The following APPL1 variants were observed in gnomAD, a reference collection of about 807,000 sequenced individuals.
APPL1 encodes DCC-interacting protein 13-alpha.
APPL1 carries 42 observed loss-of-function variants against 106.8 expected under a neutral mutation model. The ratio of observed to expected loss-of-function variants is 0.39; its 90% CI spans 0.31 to 0.51. The LOEUF is 0.51. Ranked by LOEUF, APPL1 falls within the 20% of genes least tolerant of loss-of-function variation. APPL1 has a pLI of 0.75. For missense variants in APPL1, 769 were observed against 858.2 expected (o/e 0.90, Z 1.30); for synonymous variants, 263 against 281.8 (o/e 0.93, Z 0.67).
At chr3:57,234,217 T>G (rs1464896926) in intron 1 of APPL1, among the ~76,000 whole-genome samples, 1 of 152,146 alleles carries the variant, frequency 6.6e-6, no homozygotes, top group African/African-American at 2.4e-5. Flanking sequence ...CCCTGGGCCT[T>G]TGGGATGTAA....
intron 19 of APPL1, among the ~76,000 whole-genome samples, chr3:57,261,867 A>T (rs1208141778): frequency 6.6e-6 from 1 of 152,132 alleles, no homozygotes; most frequent in Non-Finnish European, 1.5e-5. Flanking sequence ...TAGTGGTTGT[A>T]CTAGTTTATG....
intron 1 of APPL1, among the ~76,000 whole-genome samples, chr3:57,230,351 A>T (rs2060680220): frequency 1.3e-5 from 2 of 152,218 alleles, no homozygotes; most frequent in Non-Finnish European, 2.9e-5. Flanking sequence ...TTCCTTCAGA[A>T]AAATTGGAAG....
At chr3:57,237,206 G>T (rs2060721114) in intron 2 of APPL1, among the ~76,000 whole-genome samples, 1 of 152,074 alleles carries the variant, frequency 6.6e-6, no homozygotes, top group African/African-American at 2.4e-5. Context: ...TTTTGCTAAG[G>T]TTATATCAGT....
Position 57,268,500 on chromosome 3 carries a change from A to C in APPL1, c.1983+13A>C, listed in dbSNP as rs200168280. ...ACAGATTGAAAAGGTATACAGTCCT[A>C]ATGTCTGGATCTTTATGTGTTGTTT... On this transcript the variant is annotated intron_variant, in intron 21 of 21. Coordinates refer to ENST00000288266, the MANE Select transcript of APPL1 (RefSeq NM_012096.3). 1 of 1,580,372 alleles carries C rather than the reference A, an allele frequency of 6.3e-7. No individual in the cohort carries two copies. Among genetic ancestry groups the C allele is most frequent in the East Asian group, 2.2e-5 (1 of 44,550 alleles).
intron 20 of APPL1, chr3:57,268,098 A>G (rs1485138515): frequency 2.1e-6 from 1 of 470,946 alleles, no homozygotes; most frequent in Non-Finnish European, 3.7e-6. Flanking sequence ...ATCTCAAAAA[A>G]AAAAAAGGAA....
intron 9 of APPL1, among the ~76,000 whole-genome samples, chr3:57,247,723 A>G (rs1048006082): frequency 7.2e-5 from 11 of 152,186 alleles, no homozygotes; most frequent in Non-Finnish European, 1.6e-4. Context: ...GTCTGAATAT[A>G]ACAGACACAT....
intron 11 of APPL1, among the ~76,000 whole-genome samples, chr3:57,250,757 T>C (rs940250407): frequency 9.2e-5 from 14 of 151,722 alleles, no homozygotes; most frequent in Middle Eastern, 6.8e-3. Context: ...TCTGCCATTT[T>C]CCCCCCACTC....
chr3:57,262,751 AATT>A (rs2107610045), intron 19 of APPL1, among the ~76,000 whole-genome samples: 1 of 151,908 alleles, frequency 6.6e-6, no homozygotes, highest in African/African-American at 2.4e-5. Flanking sequence ...TCAAGAGACT[AATT>A]AGAGCTAAAA....
At chr3:57,251,680 C>A (rs1167928399) in intron 11 of APPL1, among the ~76,000 whole-genome samples, 1 of 151,862 alleles carries the variant, frequency 6.6e-6, no homozygotes, top group East Asian at 1.9e-4. Context: ...ATCAAAATTA[C>A]CAACTTGTTA....
chr3:57,251,424 T>C (rs1433908614), intron 11 of APPL1, among the ~76,000 whole-genome samples: 2 of 149,554 alleles, frequency 1.3e-5, no homozygotes, highest in African/African-American at 4.9e-5. Context: ...CTTGGGAGGC[T>C]GACACAGGGA....
chr3:57,260,218 G>T, intron 18 of APPL1, 65 bp downstream of exon 18: 1 of 1,474,014 alleles, frequency 6.8e-7, no homozygotes, highest in South Asian at 1.2e-5. Flanking sequence ...CTTACAACTT[G>T]ATAATAATCC....
chr3:57,229,871 GC>G (rs1365012983), intron 1 of APPL1, among the ~76,000 whole-genome samples: 1 of 151,774 alleles, frequency 6.6e-6, no homozygotes, highest in Non-Finnish European at 1.5e-5. Flanking sequence ...GTGCCACCAC[GC>G]CCACCTAGTT....
chr3:57,257,364 G>C lies in APPL1; in HGVS notation c.1366G>C (p.Asp456His). The C allele has an allele frequency of 6.2e-7, 1 of 1,614,032 alleles. No individual in the cohort carries two copies. Among genetic ancestry groups the C allele is most frequent in the South Asian group, 1.1e-5 (1 of 91,046 alleles). ...TGCCCCAGACACCCCAATACAGTTT[G>C]ACATAATTTCTCCTGTGTGTGAAGA... ...LVAPDTPIQFDIISPVCEDQP... is the reference protein window; with the variant it reads ...LVAPDTPIQFHIISPVCEDQP... The change falls in exon 15 of 22, where the codon GAC (aspartate) becomes CAC (histidine). Residue 456 changes from aspartate (D) to histidine (H), a missense_variant. Coordinates refer to ENST00000288266, the MANE Select transcript of APPL1 (RefSeq NM_012096.3).
In APPL1 at chr3:57,249,617, TTTTG is replaced by T. The variant is rs2060792884; in HGVS notation, c.1052+73_1052+76del. 5 of 1,360,976 alleles carry T rather than the reference TTTTG, an allele frequency of 3.7e-6. No individual in the cohort carries two copies. In the East Asian group the frequency reaches 1.3e-4, roughly 36 times the overall value. The allele number at this position is 1,360,976 out of a possible 1,614,324, so 84.3% of individuals were successfully genotyped here. On this transcript the variant is annotated intron_variant, in intron 11 of 21. Coordinates refer to ENST00000288266, the MANE Select transcript of APPL1 (RefSeq NM_012096.3). ...ACTTCTGAAATGTGAGATAATTCCT[TTTTG>T]TTTAGAAATTTTATGGACATTTTAG...
At chr3:57,262,163 G>C (rs1334792395) in intron 19 of APPL1, among the ~76,000 whole-genome samples, 1 of 151,884 alleles carries the variant, frequency 6.6e-6, no homozygotes. Flanking sequence ...TTAGTCCCCA[G>C]TTGGATGAAC....
At chr3:57,254,013 C>G (rs2060820609) in intron 13 of APPL1, among the ~76,000 whole-genome samples, 1 of 152,154 alleles carries the variant, frequency 6.6e-6, no homozygotes, top group South Asian at 2.1e-4. Flanking sequence ...CAGGCGTGTG[C>G]CATGACACCC....
intron 19 of APPL1, among the ~76,000 whole-genome samples, chr3:57,265,023 A>G (rs1257792415): frequency 3.3e-5 from 5 of 152,052 alleles, no homozygotes; most frequent in African/African-American, 9.7e-5. Context: ...CATTGAATCT[A>G]TAGATTGCTT....
Position 57,270,938 on chromosome 3 carries a change from T to A in APPL1, c.*1251T>A, listed in dbSNP as rs2060933450. 6.6e-6 allele frequency: 1 copy of A among 152,174 alleles called. No individual in the cohort carries two copies. Among genetic ancestry groups the A allele is most frequent in the Admixed American group, 6.5e-5 (1 of 15,274 alleles). The allele number at this position is 152,174 out of a possible 1,614,324, so 9.4% of individuals were successfully genotyped here. A position where few individuals can be genotyped will look rare whatever the true frequency, so the allele number is the denominator to read the frequency against. ...ACATTTCTCTACTGCCTATTGTTTA[T>A]GTTAAACCTTAATTTTTTTTCTGTA... On this transcript the variant is annotated 3_prime_UTR_variant, in exon 22 of 22. Transcript: ENST00000288266.
intron 19 of APPL1, 40 bp from the exon 20 acceptor site, chr3:57,267,702 T>C (rs949717813): frequency 1.3e-6 from 2 of 1,591,604 alleles, no homozygotes; most frequent in African/African-American, 2.7e-5. Flanking sequence ...TGCTTTGTTG[T>C]GAGAACTGCC....
Sources: allele counts gnomAD v4.1 joint callset (sites outside exome capture counted in the v4.1 genomes callset), GRCh38; gene constraint gnomAD v4.1.1; transcripts MANE v1.5; gene names NCBI Gene and HGNC (gene_info 2026-07-23, HGNC 2026-07-21).